Variants in TIMELESS observed in about 807,000 individuals in gnomAD.
TIMELESS encodes protein timeless homolog.
Under a neutral mutation model 164.3 loss-of-function variants are expected in TIMELESS, and 124 were observed. The ratio of observed to expected loss-of-function variants is 0.75; its 90% CI spans 0.65 to 0.88. The LOEUF (loss-of-function observed/expected upper bound fraction) is 0.88, where lower values mean the gene tolerates loss of function less well. TIMELESS is among the 40% of genes least tolerant of loss of function. The pLI is 0.00. For missense variants in TIMELESS, 1,422 were observed against 1,491.4 expected (o/e 0.95, Z 0.77); for synonymous variants, 564 against 563.4 (o/e 1.00, Z -0.02).
Position 56,417,640 on chromosome 12 carries a change from G to T in TIMELESS, c.*76C>A. On this transcript the variant is annotated 3_prime_UTR_variant, in exon 29 of 29. Transcript: ENST00000553532. ...CCAGTAAGAGGAGCTTCTGGGTCCT[G>T]TATGACCCTTCCAACTCTGACTTGA... 6.9e-7 allele frequency: 1 copy of T among 1,445,588 alleles called. No individual in the cohort carries two copies. Among genetic ancestry groups the T allele is most frequent in the Non-Finnish European group, 9.7e-7 (1 of 1,027,970 alleles). The allele number at this position is 1,445,588 out of a possible 1,614,324, so 89.5% of individuals were successfully genotyped here. A position where few individuals can be genotyped will look rare whatever the true frequency, so the allele number is the denominator to read the frequency against.
chr12:56,439,167 CAAAAAAAAAAAAAAAA>C (rs57127557), intron 1 of TIMELESS, among the ~76,000 whole-genome samples: 1 of 85,640 alleles, frequency 1.2e-5, no homozygotes. Context: ...AACTCCTTCT[CAAAAAAAAAAAAAAAA>C]AAAAAAAAAA....
intron 10 of TIMELESS, among the ~76,000 whole-genome samples, chr12:56,429,842 A>G (rs1240830193): frequency 6.6e-6 from 1 of 151,462 alleles, no homozygotes; most frequent in African/African-American, 2.4e-5. Flanking sequence ...AGGATCCACA[A>G]TTTCCAACTC....
intron 10 of TIMELESS, 105 bp from the exon 11 acceptor site, chr12:56,429,205 T>C (rs1565683428): frequency 1.0e-5 from 10 of 997,194 alleles, no homozygotes; most frequent in Non-Finnish European, 1.4e-5. Flanking sequence ...CCGTCATAAT[T>C]TTTTTTTTTT....
intron 9 of TIMELESS, 49 bp from the exon 10 acceptor site, chr12:56,430,330 C>G: frequency 6.4e-7 from 1 of 1,552,372 alleles, no homozygotes; most frequent in Non-Finnish European, 8.7e-7. Context: ...TACCACTTTC[C>G]CCTTGCAGCT....
At chr12:56,430,995 A>AC in intron 8 of TIMELESS, 27 bp from the exon 9 acceptor site, 1 of 1,468,182 alleles carries the variant, frequency 6.8e-7, no homozygotes, top group Non-Finnish European at 9.2e-7. Context: ...GTCCAAGGTG[A>AC]TTTTTCAGTT....
At chr12:56,424,976 A>G in intron 14 of TIMELESS, 39 bp downstream of exon 14, 1 of 1,614,068 alleles carries the variant, frequency 6.2e-7, no homozygotes, top group Non-Finnish European at 8.5e-7. Context: ...TACCCTGAGC[A>G]CTATTCTCAA....
chr12:56,434,376 C>G, intron 1 of TIMELESS, 145 bp from the exon 2 acceptor site: 3 of 573,654 alleles, frequency 5.2e-6, no homozygotes, highest in Non-Finnish European at 9.3e-6. Flanking sequence ...CTGCTCTCAG[C>G]CCCAGAGAAA....
Position 56,433,458 on chromosome 12 carries a change from A to G in TIMELESS, c.367-15T>C. On this transcript the variant is annotated splice_polypyrimidine_tract_variant and intron_variant, in intron 4 of 28. Transcript: ENST00000553532. ...CTGGCAAAGGCCTGTGAAATAGGGA[A>G]CCTGATCTTAAGTAGCAGTCATCCA... is the stretch of plus-strand genomic sequence containing the variant. 1 of 1,614,184 alleles carries G rather than the reference A, an allele frequency of 6.2e-7. No homozygotes were observed. Among genetic ancestry groups the G allele is most frequent in the Non-Finnish European group, 8.5e-7 (1 of 1,180,006 alleles).
intron 1 of TIMELESS, among the ~76,000 whole-genome samples, chr12:56,435,292 G>A (rs1053201494): frequency 6.6e-6 from 1 of 151,972 alleles, no homozygotes; most frequent in Non-Finnish European, 1.5e-5. Context: ...CAGAACAGGT[G>A]AGGAAATGGA....
In TIMELESS at chr12:56,422,098, C is replaced by T. The variant is rs367788717; in HGVS notation, c.2524+8G>A. ...CTCATAAACTCTCCAGATCCCAAGGCCTCTCACCTTCCACGTCCTTATTGG... is the reference window on the plus strand; with the variant it reads ...CTCATAAACTCTCCAGATCCCAAGGTCTCTCACCTTCCACGTCCTTATTGG... On this transcript the variant is annotated splice_region_variant and intron_variant, in intron 20 of 28. Transcript: ENST00000553532. 1.5e-5 allele frequency: 25 copies of T among 1,614,010 alleles called. No individual in the cohort carries two copies. The African/African-American group carries it at 2.8e-4, about 18-fold the overall frequency.
Position 56,418,138 on chromosome 12 carries a change from T to C in TIMELESS, c.3450A>G (p.Pro1150=), listed in dbSNP as rs753246427. The change falls in exon 27 of 29, where the codon CCA becomes CCG. Residue 1150 remains proline, a synonymous_variant. Coordinates refer to ENST00000553532, the MANE Select transcript of TIMELESS (RefSeq NM_003920.5). The part of the protein sequence containing the change: ...AHKKKAGLAS[P]EEEDAVGKEP... ...AGATGGCTGTCGCACTATTACCCTC[T>C]GGGGATGCCAGGCCCGCTTTCTTCT... is the stretch of plus-strand genomic sequence containing the variant. 1.6e-5 allele frequency: 26 copies of C among 1,614,092 alleles called. 1 individual carries two copies. The highest frequency in any genetic ancestry group is 6.7e-5 in the East Asian group (3 of 44,896).
chr12:56,444,515 C>T (rs1183865102), intron 1 of TIMELESS, among the ~76,000 whole-genome samples: 3 of 152,136 alleles, frequency 2.0e-5, no homozygotes, highest in African/African-American at 7.2e-5. Context: ...TTTATACTAG[C>T]CCCATCCCCA....
chr12:56,416,712 G>A lies in TIMELESS; in HGVS notation c.*1004C>T, dbSNP rs1881271214. The A allele has an allele frequency of 6.6e-6, 1 of 151,584 alleles. No homozygotes were observed. The highest frequency in any genetic ancestry group is 1.5e-5 in the Non-Finnish European group (1 of 67,960). 9.4% of individuals were successfully genotyped at this position (151,584 alleles called of 1,614,324 possible). A position where few individuals can be genotyped will look rare whatever the true frequency, so the allele number is the denominator to read the frequency against. On this transcript the variant is annotated 3_prime_UTR_variant, in exon 29 of 29. Transcript: ENST00000553532. ...TAGGGAAAGCGGAAGAAAAGGGAAG[G>A]TTGTTGGTCTTTTTTTTTTTTCTTT...
At chr12:56,449,112 G>A (rs1868471254) in intron 1 of TIMELESS, among the ~76,000 whole-genome samples, 198 bp downstream of exon 1, 1 of 152,258 alleles carries the variant, frequency 6.6e-6, no homozygotes, top group African/African-American at 2.4e-5. Flanking sequence ...GCCCGCGTCC[G>A]GTGAGACCCG....
rs1881332901 is a variant in TIMELESS at position 56,418,165 on chromosome 12, G to C, written c.3423C>G (p.His1141Gln). ...GGGATGCCAGGCCCGCTTTCTTCTT[G>C]TGGGCTAGCAAGAGGGCCCTCAGGG... ...AQALRALLLA[H>Q]KKKAGLASPE... Residue 1141 changes from histidine to glutamine, a missense_variant, in exon 27 of 29, where the codon CAC becomes CAG. Physicochemically the swap from His to Gln is conservative, Grantham distance 24 (BLOSUM62 0). Coordinates refer to ENST00000553532, the MANE Select transcript of TIMELESS (RefSeq NM_003920.5). 6.2e-7 allele frequency: 1 copy of C among 1,614,226 alleles called. No individual in the cohort carries two copies. The highest frequency in any genetic ancestry group is 8.5e-7 in the Non-Finnish European group (1 of 1,180,052).
chr12:56,448,438 A>C (rs1868424160), intron 1 of TIMELESS, among the ~76,000 whole-genome samples: 2 of 143,022 alleles, frequency 1.4e-5, no homozygotes, highest in South Asian at 2.3e-4. Flanking sequence ...ACCAAAAAAA[A>C]CAAACAGGCC....
At chr12:56,443,220 G>A (rs11613700) in intron 1 of TIMELESS, among the ~76,000 whole-genome samples, 7,404 of 152,220 alleles carry the variant, frequency 0.049, 254 homozygotes, top group Middle Eastern at 0.12. Context: ...GTGAGTAGGA[G>A]AAATATCACT....
rs1437507948 is a variant in TIMELESS at position 56,428,980 on chromosome 12, G to C, written c.1207C>G (p.Leu403Val). The C allele has an allele frequency of 1.2e-6, 2 of 1,614,034 alleles. No individual in the cohort carries two copies. The highest frequency in any genetic ancestry group is 1.7e-6 in the Non-Finnish European group (2 of 1,180,034). The part of the protein sequence containing the change: ...SFRPGLVSET[L>V]SVRTFHFIEQ... The stretch of plus-strand genomic sequence containing the variant: ...ATGAAGTGGAAGGTACGGACACTGA[G>C]GGTCTCAGAAACCAGGCCTGGCCGG... The change falls in exon 11 of 29, where the codon CTC becomes GTC. Residue 403 changes from leucine (L) to valine (V), a missense_variant. By Grantham distance (32) the Leu-to-Val change is conservative. Coordinates refer to ENST00000553532, the MANE Select transcript of TIMELESS (RefSeq NM_003920.5).
Position 56,423,005 on chromosome 12 carries a change from G to A in TIMELESS, c.2293-13C>T. On this transcript the variant is annotated splice_polypyrimidine_tract_variant and intron_variant, in intron 18 of 28. Transcript: ENST00000553532. ...AAGTCACTAGCTCCTGTAGGAGAAG[G>A]AGGTTACTATGAGGCCTCTCTGGTC... 3 of 1,611,688 alleles carry A rather than the reference G, an allele frequency of 1.9e-6. No homozygotes were observed. Among genetic ancestry groups the A allele is most frequent in the Non-Finnish European group, 2.5e-6 (3 of 1,178,902 alleles).
Sources: allele counts gnomAD v4.1 joint callset (sites outside exome capture counted in the v4.1 genomes callset), GRCh38; gene constraint gnomAD v4.1.1; transcripts MANE v1.5; gene names NCBI Gene and HGNC (gene_info 2026-07-23, HGNC 2026-07-21).